The following FBXO4 variants were observed in gnomAD, a reference collection of about 807,000 sequenced individuals.
FBXO4 encodes F-box protein 4, also known as F-box only protein 4.
In FBXO4, 36 loss-of-function variants were observed where a neutral mutation model predicts 43.7. That is an observed-to-expected ratio of 0.82 (90% confidence interval 0.63 to 1.09). The LOEUF (loss-of-function observed/expected upper bound fraction) is 1.09, where lower values mean the gene tolerates loss of function less well. FBXO4 is among the 50% of genes least tolerant of loss of function. FBXO4 has a pLI of 0.00. For missense variants in FBXO4, 435 were observed against 474.1 expected (o/e 0.92, Z 0.77); for synonymous variants, 180 against 165.6 (o/e 1.09, Z -0.67).
At chr5:41,994,541 C>T in the FBXO4 span, among the ~76,000 whole-genome samples, 1 of 152,124 alleles carries the variant, frequency 6.6e-6, no homozygotes, top group African/African-American at 2.4e-5. Context: ...CATTTCTAGC[C>T]CTGCCGGATT....
the FBXO4 span, among the ~76,000 whole-genome samples, chr5:42,036,855 C>T: frequency 1.3e-5 from 2 of 151,912 alleles, no homozygotes; most frequent in Admixed American, 1.3e-4. Context: ...TGAAAGCTAA[C>T]TAATCCTTGA....
At chr5:42,016,664 T>A in the FBXO4 span, among the ~76,000 whole-genome samples, 1 of 152,118 alleles carries the variant, frequency 6.6e-6, no homozygotes, top group South Asian at 2.1e-4. Context: ...GTGAGAAAAA[T>A]TGAATATAGG....
chr5:41,984,904 T>C, the FBXO4 span, among the ~76,000 whole-genome samples: 2 of 152,194 alleles, frequency 1.3e-5, no homozygotes, highest in East Asian at 3.8e-4. Context: ...TATTCTCAAG[T>C]GTATTAGGTA....
chr5:41,971,934 A>G, the FBXO4 span, among the ~76,000 whole-genome samples: 1 of 151,988 alleles, frequency 6.6e-6, no homozygotes, highest in Non-Finnish European at 1.5e-5. Flanking sequence ...TCTCAGTTCT[A>G]TACCCCAAAG....
the FBXO4 span, among the ~76,000 whole-genome samples, chr5:42,025,254 G>T: frequency 6.6e-6 from 1 of 151,922 alleles, no homozygotes; most frequent in Admixed American, 6.6e-5. Flanking sequence ...CATTTTAACT[G>T]GGGTGAGATG....
the FBXO4 span, among the ~76,000 whole-genome samples, chr5:42,006,307 A>G: frequency 4.6e-5 from 7 of 152,210 alleles, no homozygotes; most frequent in South Asian, 1.0e-3. Context: ...ATTATCTTAA[A>G]GGAGAAAAAC....
In FBXO4 at chr5:41,935,478, A is replaced by G. The variant is rs115569868; in HGVS notation, c.898+1170A>G. ...GACAAAAGTTGACTGCTGCTGTCTC[A>G]AGGGAGATAGAAACAAAAGCTGTCT... On this transcript the variant is annotated intron_variant, in intron 5 of 6. Coordinates refer to ENST00000281623, the MANE Select transcript of FBXO4 (RefSeq NM_012176.3). Among the ~76,000 whole-genome samples, 556 of 152,336 alleles carry G rather than the reference A, an allele frequency of 3.6e-3. 6 individuals carry two copies. The highest frequency in any genetic ancestry group is 9.9e-3 in the African/African-American group (411 of 41,580).
At chr5:41,999,413 T>G in the FBXO4 span, among the ~76,000 whole-genome samples, 1 of 142,616 alleles carries the variant, frequency 7.0e-6, no homozygotes, top group African/African-American at 2.6e-5. Context: ...TATATATATG[T>G]ATGTATAAAT....
the FBXO4 span, among the ~76,000 whole-genome samples, chr5:42,034,233 G>T: frequency 1.3e-5 from 2 of 151,906 alleles, no homozygotes; most frequent in African/African-American, 4.8e-5. Flanking sequence ...TTGTAAATTT[G>T]TTTAAGTTCC....
At chr5:41,955,707 CAG>C in the FBXO4 span, among the ~76,000 whole-genome samples, 10 of 152,152 alleles carry the variant, frequency 6.6e-5, no homozygotes, top group African/African-American at 1.7e-4. Context: ...CAGAGATCTT[CAG>C]AGTCTCCCTT....
At chr5:42,013,589 T>C in the FBXO4 span, among the ~76,000 whole-genome samples, 1 of 152,170 alleles carries the variant, frequency 6.6e-6, no homozygotes, top group Non-Finnish European at 1.5e-5. Context: ...CTTGCATCCC[T>C]TTCTCCCTCT....
At chr5:42,032,605 T>C in the FBXO4 span, among the ~76,000 whole-genome samples, 2,441 of 152,268 alleles carry the variant, frequency 0.016, 122 homozygotes, top group East Asian at 0.1. Context: ...TGCTGCCTGA[T>C]GTGAGACTCA....
chr5:41,948,063 G>A, the FBXO4 span, among the ~76,000 whole-genome samples: 1 of 152,048 alleles, frequency 6.6e-6, no homozygotes, highest in Non-Finnish European at 1.5e-5. Context: ...TAGTGCAACT[G>A]AGGAACTAAA....
the FBXO4 span, among the ~76,000 whole-genome samples, chr5:42,022,474 A>G: frequency 1.3e-5 from 2 of 152,096 alleles, no homozygotes; most frequent in African/African-American, 2.4e-5. Context: ...ATTTGCAACA[A>G]TAGTTACACT....
At chr5:41,933,521 C>G (rs1437839682) in intron 3 of FBXO4, among the ~76,000 whole-genome samples, 1 of 152,086 alleles carries the variant, frequency 6.6e-6, no homozygotes, top group Non-Finnish European at 1.5e-5. Flanking sequence ...CCTGCCCCCC[C>G]CATCAATTTA....
chr5:42,029,929 A>G, the FBXO4 span, among the ~76,000 whole-genome samples: 3 of 152,234 alleles, frequency 2.0e-5, no homozygotes, highest in Admixed American at 2.0e-4. Context: ...AAGGAGAACT[A>G]CAAACCACTG....
At chr5:41,965,671 A>G in the FBXO4 span, among the ~76,000 whole-genome samples, 1 of 152,164 alleles carries the variant, frequency 6.6e-6, no homozygotes, top group Non-Finnish European at 1.5e-5. Context: ...TAAACAACAG[A>G]TACTGGAGAG....
chr5:42,013,554 A>G, the FBXO4 span, among the ~76,000 whole-genome samples: 1 of 151,990 alleles, frequency 6.6e-6, no homozygotes, highest in Non-Finnish European at 1.5e-5. Flanking sequence ...GTCGCTACAC[A>G]CTCTGGTTTT....
At chr5:42,038,336 CTTG>C in the FBXO4 span, among the ~76,000 whole-genome samples, 1 of 152,058 alleles carries the variant, frequency 6.6e-6, no homozygotes, top group African/African-American at 2.4e-5. Flanking sequence ...ATTGCTTAAT[CTTG>C]TTTTCATTAA....
Sources: allele counts gnomAD v4.1 joint callset (sites outside exome capture counted in the v4.1 genomes callset), GRCh38; gene constraint gnomAD v4.1.1; transcripts MANE v1.5; gene names NCBI Gene and HGNC (gene_info 2026-07-23, HGNC 2026-07-21).